TRRAP: variants seen among roughly 807,000 people sequenced by gnomAD.
The protein encoded by TRRAP is transformation/transcription domain associated protein, also known as transformation/transcription domain-associated protein.
A neutral mutation model predicts 438.8 loss-of-function variants in TRRAP; 41 were observed. The observed-to-expected ratio is 0.09, with a 90% CI of 0.07 to 0.12. TRRAP has a LOEUF of 0.12. TRRAP is among the 10% of genes least tolerant of loss of function. TRRAP has a pLI of 1.00. For synonymous variants in TRRAP, 1,994 were observed against 1,962.9 expected (o/e 1.02, Z -0.42); for missense variants, 3,122 against 5,055.1 (o/e 0.62, Z 11.60).
chr7:98,893,701 T>G, intron 5 of TRRAP, 97 bp from the exon 6 acceptor site: 1 of 1,060,932 alleles, frequency 9.4e-7, no homozygotes, highest in Non-Finnish European at 1.4e-6. Flanking sequence ...AATCCAATAG[T>G]TGGTTGATGG....
chr7:98,993,463 T>C lies in TRRAP; in HGVS notation c.9848-75T>C. Reference sequence around the variant, plus strand: ...CAGGAACCAGCGCTCCTTTGGCCCATGGGTCCTGCAGCGCTCCGAGCCCTG... The same window carrying C: ...CAGGAACCAGCGCTCCTTTGGCCCACGGGTCCTGCAGCGCTCCGAGCCCTG... On this transcript the variant is annotated intron_variant, in intron 65 of 72. Transcript: ENST00000456197. 14 of 1,501,604 alleles carry C rather than the reference T, an allele frequency of 9.3e-6. 1 individual carries two copies. Among genetic ancestry groups the C allele is most frequent in the Non-Finnish European group, 1.1e-5 (12 of 1,107,778 alleles). The allele number at this position is 1,501,604 out of a possible 1,614,324, so 93.0% of individuals were successfully genotyped here.
At position 98,899,859 on chromosome 7, in the gene TRRAP, G is replaced by A. The variant is rs1370774924; in HGVS notation, c.800+92G>A. 5 of 1,432,024 alleles carry A rather than the reference G, an allele frequency of 3.5e-6. No homozygotes were observed. In the African/African-American group the frequency reaches 4.2e-5, roughly 12 times the overall value. 88.7% of individuals were successfully genotyped at this position (1,432,024 alleles called of 1,614,324 possible). On this transcript the variant is annotated intron_variant, in intron 10 of 72. Transcript: ENST00000456197. ...CATTCTTAAGACATGAAAATTATGA[G>A]TGATAAAATTTTGGTAAAATTATAT...
chr7:98,892,326 G>T, intron 4 of TRRAP, 98 bp from the exon 5 acceptor site: 1 of 991,880 alleles, frequency 1.0e-6, no homozygotes. Context: ...CTAGTGCTGG[G>T]TGTAAACAGC....
At chr7:98,914,839 A>T (rs1554409348) in intron 18 of TRRAP, among the ~76,000 whole-genome samples, 1 of 151,552 alleles carries the variant, frequency 6.6e-6, no homozygotes, top group East Asian at 1.9e-4. Flanking sequence ...ACAGTTTTGT[A>T]AAATAAATAA....
intron 23 of TRRAP, among the ~76,000 whole-genome samples, chr7:98,927,846 C>T (rs1377988824): frequency 1.3e-5 from 2 of 152,100 alleles, no homozygotes; most frequent in South Asian, 2.1e-4. Context: ...AACGGCTGCT[C>T]ACCTCCGTTT....
At chr7:98,911,001 A>G in intron 16 of TRRAP, 76 bp from the exon 17 acceptor site, 2 of 1,317,412 alleles carry the variant, frequency 1.5e-6, no homozygotes. Flanking sequence ...TATGCAGCTG[A>G]TCTGGTTACA....
chr7:99,003,997 C>G (rs1794055115), intron 67 of TRRAP, among the ~76,000 whole-genome samples, 193 bp from the exon 68 acceptor site: 1 of 152,234 alleles, frequency 6.6e-6, no homozygotes, highest in East Asian at 1.9e-4. Flanking sequence ...CACTGAAACC[C>G]GGGAGGCGGA....
At chr7:98,984,540 CTG>C (rs1468449091) in intron 61 of TRRAP, among the ~76,000 whole-genome samples, 182 bp downstream of exon 61, 1 of 152,168 alleles carries the variant, frequency 6.6e-6, no homozygotes, top group Non-Finnish European at 1.5e-5. Context: ...AGCTACTTGA[CTG>C]TGAATTACAG....
intron 46 of TRRAP, among the ~76,000 whole-genome samples, chr7:98,961,701 C>T (rs1791900614): frequency 6.6e-6 from 1 of 152,178 alleles, no homozygotes; most frequent in Non-Finnish European, 1.5e-5. Context: ...GGGCGGATCA[C>T]CTGAGGTCAG....
chr7:98,953,146 C>G, intron 39 of TRRAP, 21 bp from the exon 40 acceptor site: 7 of 1,605,032 alleles, frequency 4.4e-6, no homozygotes, highest in Non-Finnish European at 6.0e-6. Context: ...GAAATGAGTC[C>G]TTCCTGCTGT....
chr7:99,012,133 A>G lies in TRRAP; in HGVS notation c.11400A>G (p.Gln3800=), dbSNP rs772368089. 10 of 1,614,194 alleles carry G rather than the reference A, an allele frequency of 6.2e-6. No individual in the cohort carries two copies. The South Asian group carries it at 7.7e-5, about 12-fold the overall frequency. The part of the protein sequence containing the change: ...DEIIAWHKKT[Q]EDTSSPLSAA... ...TCATTGCTTGGCACAAAAAAACACA[A>G]GAGGACACGTCCTCTCCTCTCTCGG... Residue 3800 remains glutamine, a synonymous_variant, in exon 73 of 73, where the codon CAA becomes CAG. Coordinates refer to ENST00000456197, the MANE Select transcript of TRRAP (RefSeq NM_001375524.1). The surrounding 1 kb of genome is among the most constrained non-coding windows in gnomAD (Gnocchi z 5.9).
chr7:98,984,050 A>G, intron 60 of TRRAP, 43 bp from the exon 61 acceptor site: 3 of 1,509,902 alleles, frequency 2.0e-6, no homozygotes, highest in Non-Finnish European at 8.9e-7. Context: ...GTGCTTTGAA[A>G]GAGGATCGGT....
At chr7:98,890,822 C>T (rs1010767834) in intron 4 of TRRAP, among the ~76,000 whole-genome samples, 2 of 124,458 alleles carry the variant, frequency 1.6e-5, no homozygotes, top group Non-Finnish European at 1.6e-5. Flanking sequence ...CAAGGTCTCA[C>T]TCTGTCACCC....
rs762500484 is a variant in TRRAP, at chr7:98,994,827, C to G, written c.10288C>G (p.Leu3430Val). ...ATAQDPVFQKLKGQFTTDFDF... is the reference protein window; with the variant it reads ...ATAQDPVFQKVKGQFTTDFDF... ...TGCACAAGACCCTGTCTTTCAGAAG[C>G]TGAAAGGCCAGTTCACGACGGGTGA... The change falls in exon 67 of 73, where the codon CTG (leucine) becomes GTG (valine). Residue 3430 changes from leucine to valine, a missense_variant. Physicochemically the swap from Leu to Val is conservative, Grantham distance 32 (BLOSUM62 1). Transcript: ENST00000456197. The surrounding 1 kb of genome is among the most constrained non-coding windows in gnomAD (Gnocchi z 4.8). 6 of 1,612,926 alleles carry G rather than the reference C, an allele frequency of 3.7e-6. No homozygotes were observed. Among genetic ancestry groups the G allele is most frequent in the Non-Finnish European group, 5.1e-6 (6 of 1,178,908 alleles).
chr7:98,904,045 A>G (rs1301616819), intron 12 of TRRAP, among the ~76,000 whole-genome samples: 2 of 152,014 alleles, frequency 1.3e-5, no homozygotes. Context: ...CCTGACCTCA[A>G]GTGATGTGCC....
At position 98,949,445 on chromosome 7, in the gene TRRAP, C is replaced by A; in HGVS notation, c.4817C>A (p.Pro1606His). Residue 1606 changes from proline (P) to histidine (H), a missense_variant, in exon 36 of 73, where the codon CCT becomes CAT. Transcript: ENST00000456197. ...MSFLKHKDAR[P>H]LRDVLAANPN... is the part of the protein sequence containing the mutation. ...TTTTTAAAACACAAAGACGCCAGAC[C>A]TCTGCGGGATGTGCTGGCTGCCAAC... 6.3e-7 allele frequency: 1 copy of A among 1,593,144 alleles called. No homozygotes were observed. Among genetic ancestry groups the A allele is most frequent in the Middle Eastern group, 1.7e-4 (1 of 5,952 alleles).
chr7:98,942,501 G>GT (rs1485997739), intron 30 of TRRAP, among the ~76,000 whole-genome samples: 2 of 152,144 alleles, frequency 1.3e-5, no homozygotes, highest in African/African-American at 4.8e-5. Flanking sequence ...TTACAACACT[G>GT]TAATTGTAGC....
chr7:98,989,836 G>A (rs1210471852), intron 63 of TRRAP, among the ~76,000 whole-genome samples: 1 of 152,208 alleles, frequency 6.6e-6, no homozygotes, highest in Non-Finnish European at 1.5e-5. Context: ...GTAGGTTAAC[G>A]GGTGGGCAGG....
Position 98,994,874 on chromosome 7 carries a change from C to T in TRRAP, c.10309+26C>T. On this transcript the variant is annotated intron_variant, in intron 67 of 72. Coordinates refer to ENST00000456197, the MANE Select transcript of TRRAP (RefSeq NM_001375524.1). This position sits in a 1 kb window ranked among gnomAD's most constrained non-coding sequence, Gnocchi z 4.8. ...GTGAGTCTCCATTTTCCTTCCCTTC[C>T]ATAGGGAGAATTGTGCACGCTGATT... is the stretch of plus-strand genomic sequence containing the variant. The T allele has an allele frequency of 6.2e-7, 1 of 1,605,008 alleles. No homozygotes were observed. The highest frequency in any genetic ancestry group is 8.5e-7 in the Non-Finnish European group (1 of 1,173,038).
Sources: gnomAD v4.1 joint callset for allele counts (sites outside exome capture counted in the v4.1 genomes callset) on GRCh38, gnomAD v4.1.1 for gene constraint, Gnocchi (gnomAD v3.1) non-coding constraint, MANE v1.5 for transcripts, NCBI Gene and HGNC (gene_info 2026-07-23, HGNC 2026-07-21) for gene names.